Variants in NEK1 observed in about 807,000 individuals in gnomAD.
NEK1 encodes NIMA related kinase 1, also known as serine/threonine-protein kinase Nek1.
A neutral mutation model predicts 182.1 loss-of-function variants in NEK1; 137 were observed. The ratio of observed to expected loss-of-function variants is 0.75; its 90% CI spans 0.65 to 0.87. The LOEUF is 0.87. NEK1 is among the 40% of genes least tolerant of loss of function. The probability of loss-of-function intolerance (pLI) is 0.00; values close to 1 mark genes in which losing one functional copy is unlikely to be tolerated. For synonymous variants in NEK1, 513 were observed against 492.2 expected (o/e 1.04, Z -0.56); for missense variants, 1,391 against 1,494.4 (o/e 0.93, Z 1.14).
chr4:169,590,874 G>A (rs760830093), intron 5 of NEK1, 65 bp from the exon 6 acceptor site: 26 of 1,043,544 alleles, frequency 2.5e-5, no homozygotes, highest in Non-Finnish European at 3.3e-5. Context: ...AGAATATTTA[G>A]GGATGAGAGG....
At chr4:169,503,381 T>G (rs957033710) in intron 23 of NEK1, among the ~76,000 whole-genome samples, 4 of 151,874 alleles carry the variant, frequency 2.6e-5, no homozygotes, top group African/African-American at 7.2e-5. Context: ...AACCTAAAAT[T>G]CATATAGAAC....
chr4:169,566,110 G>T (rs1763636648), intron 12 of NEK1, among the ~76,000 whole-genome samples: 1 of 151,956 alleles, frequency 6.6e-6, no homozygotes, highest in Non-Finnish European at 1.5e-5. Context: ...CAAAATTTGT[G>T]AACTACAACA....
intron 23 of NEK1, among the ~76,000 whole-genome samples, chr4:169,489,590 C>T (rs1478074219): frequency 6.6e-6 from 1 of 152,124 alleles, no homozygotes; most frequent in Admixed American, 6.5e-5. Context: ...CTTGTTGCTG[C>T]TGTACCCAGC....
At position 169,406,686 on chromosome 4, in the gene NEK1, G is replaced by T; in HGVS notation, c.3284C>A (p.Pro1095His). Residue 1095 changes from proline (P) to histidine (H), a missense_variant, in exon 32 of 36, where the codon CCC becomes CAC. This residue lies in a region of NEK1 where 1,216 missense variants were observed against 1,277.6 expected (regional missense o/e 0.95). Coordinates refer to ENST00000507142, the MANE Select transcript of NEK1 (RefSeq NM_001199397.3). ...SKLFRTLMDV[P>H]TVGDVRQDNL... ...GTCTTGACGAACATCTCCTACGGTG[G>T]GAACATCCATAAGGGTTCTGAACAG... 1 of 1,609,712 alleles carries T rather than the reference G, an allele frequency of 6.2e-7. No individual in the cohort carries two copies. Among genetic ancestry groups the T allele is most frequent in the Non-Finnish European group, 8.5e-7 (1 of 1,177,754 alleles).
chr4:169,526,960 G>A (rs572883312), intron 19 of NEK1, among the ~76,000 whole-genome samples: 123 of 152,164 alleles, frequency 8.1e-4, no homozygotes, highest in African/African-American at 2.1e-3. Flanking sequence ...GTAAATTCAA[G>A]AAACTAGCAA....
chr4:169,593,082 C>G (rs1581027905), intron 5 of NEK1, among the ~76,000 whole-genome samples: 1 of 151,476 alleles, frequency 6.6e-6, no homozygotes, highest in South Asian at 2.1e-4. Flanking sequence ...CATACTTGTA[C>G]TTCTTAATTT....
intron 19 of NEK1, among the ~76,000 whole-genome samples, chr4:169,524,314 A>G (rs571838301): frequency 1.3e-5 from 2 of 152,270 alleles, no homozygotes; most frequent in African/African-American, 4.8e-5. Context: ...AAAATACAAA[A>G]TTAGCTGAGT....
intron 32 of NEK1, among the ~76,000 whole-genome samples, chr4:169,402,927 C>T (rs1731935126): frequency 6.6e-6 from 1 of 152,066 alleles, no homozygotes; most frequent in Admixed American, 6.6e-5. Context: ...CTGAAGACTT[C>T]TAAAAGAGAT....
chr4:169,546,321 T>C (rs907293702), intron 18 of NEK1, among the ~76,000 whole-genome samples: 2 of 152,222 alleles, frequency 1.3e-5, no homozygotes, highest in African/African-American at 2.4e-5. Context: ...TCCTGAGTTC[T>C]AATTTGACTG....
chr4:169,485,134 T>A (rs1335594204), intron 23 of NEK1, among the ~76,000 whole-genome samples: 1 of 152,208 alleles, frequency 6.6e-6, no homozygotes, highest in Non-Finnish European at 1.5e-5. Context: ...TTTATAATAA[T>A]GATCTTCAGC....
intron 11 of NEK1, among the ~76,000 whole-genome samples, chr4:169,577,670 C>T (rs1436535254): frequency 6.6e-6 from 1 of 151,960 alleles, no homozygotes; most frequent in Non-Finnish European, 1.5e-5. Context: ...AGGAGAATGG[C>T]GTGAACCCAG....
chr4:169,573,998 A>G (rs1158817909), intron 12 of NEK1, among the ~76,000 whole-genome samples: 1 of 152,076 alleles, frequency 6.6e-6, no homozygotes, highest in African/African-American at 2.4e-5. Context: ...CCACCACTAC[A>G]AAAAATAAAA....
intron 16 of NEK1, among the ~76,000 whole-genome samples, chr4:169,556,609 T>C (rs1762191677): frequency 6.6e-6 from 1 of 152,110 alleles, no homozygotes; most frequent in Non-Finnish European, 1.5e-5. Flanking sequence ...CAAAAAGTCA[T>C]ATCTATCTTT....
intron 5 of NEK1, among the ~76,000 whole-genome samples, chr4:169,598,792 C>G (rs1051625658): frequency 6.6e-6 from 1 of 152,064 alleles, no homozygotes; most frequent in African/African-American, 2.4e-5. Context: ...AGTCTGGCAG[C>G]AGTAAGCCAG....
Position 169,406,867 on chromosome 4 carries a change from T to G in NEK1, c.3223-120A>C, listed in dbSNP as rs560863339. The G allele has an allele frequency of 5.5e-5, 31 of 562,218 alleles. No homozygotes were observed. In the Middle Eastern group the frequency reaches 1.6e-3, roughly 28 times the overall value. 34.8% of individuals were successfully genotyped at this position (562,218 alleles called of 1,614,324 possible). On this transcript the variant is annotated intron_variant, in intron 31 of 35. Transcript: ENST00000507142. ...TGTGTAAAATGTAACATATAAAAAG[T>G]TTTTTTATATATGTAACATATATAT...
chr4:169,483,309 A>G (rs1431848916), intron 23 of NEK1, among the ~76,000 whole-genome samples: 1 of 152,204 alleles, frequency 6.6e-6, no homozygotes, highest in Non-Finnish European at 1.5e-5. Context: ...ATATAATGAC[A>G]ATAATGAAAA....
At chr4:169,584,065 A>G (rs1269852027) in intron 10 of NEK1, among the ~76,000 whole-genome samples, 1 of 152,234 alleles carries the variant, frequency 6.6e-6, no homozygotes, top group Non-Finnish European at 1.5e-5. Context: ...ACCTCACTAA[A>G]CCAGAAAAGT....
Position 169,476,988 on chromosome 4 carries a change from G to A in NEK1, c.2434+136C>T, listed in dbSNP as rs1580009811. 1.9e-5 allele frequency: 11 copies of A among 574,062 alleles called. No individual in the cohort carries two copies. The East Asian group carries it at 2.4e-4, about 12-fold the overall frequency. 35.6% of individuals were successfully genotyped at this position (574,062 alleles called of 1,614,324 possible). A position where few individuals can be genotyped will look rare whatever the true frequency, so the allele number is the denominator to read the frequency against. ...CTGTGAGAGGGAGGCACTTCTATTCGCCCAAAAGGAAAATATATAGAATTC... is the reference window on the plus strand; with the variant it reads ...CTGTGAGAGGGAGGCACTTCTATTCACCCAAAAGGAAAATATATAGAATTC... On this transcript the variant is annotated intron_variant, in intron 26 of 35. Transcript: ENST00000507142.
At chr4:169,473,001 G>A (rs545469141) in intron 26 of NEK1, among the ~76,000 whole-genome samples, 2 of 152,128 alleles carry the variant, frequency 1.3e-5, no homozygotes, top group African/African-American at 4.8e-5. Context: ...GCTCACACCT[G>A]TAATCCCAGC....
Sources: allele counts gnomAD v4.1 joint callset (sites outside exome capture counted in the v4.1 genomes callset), GRCh38; gene constraint gnomAD v4.1.1; regional missense constraint gnomAD v4.1.1; transcripts MANE v1.5; gene names NCBI Gene and HGNC (gene_info 2026-07-23, HGNC 2026-07-21).